The following LSAMP variants were observed in gnomAD, a reference collection of about 807,000 sequenced individuals.
LSAMP encodes limbic system-associated membrane protein.
Under a neutral mutation model 38.6 loss-of-function variants are expected in LSAMP, and 7 were observed. That is an observed-to-expected ratio of 0.18 (90% confidence interval 0.10 to 0.34). The LOEUF (loss-of-function observed/expected upper bound fraction) is 0.34. Ranked by LOEUF, LSAMP falls within the 10% of genes least tolerant of loss-of-function variation. The probability of loss-of-function intolerance (pLI) is 1.00; values close to 1 mark genes in which losing one functional copy is unlikely to be tolerated. For synonymous variants in LSAMP, 154 were observed against 166.8 expected (o/e 0.92, Z 0.59); for missense variants, 313 against 420.0 (o/e 0.75, Z 2.23).
chr3:116,435,411 C>A (rs1269001288), intron 1 of LSAMP, among the ~76,000 whole-genome samples: 2 of 152,156 alleles, frequency 1.3e-5, no homozygotes, highest in Non-Finnish European at 2.9e-5. Flanking sequence ...CCCCTGCCTG[C>A]CTCCCTATGG....
intron 1 of LSAMP, among the ~76,000 whole-genome samples, chr3:116,366,301 G>A (rs2048352685): frequency 6.6e-6 from 1 of 152,130 alleles, no homozygotes; most frequent in African/African-American, 2.4e-5. Flanking sequence ...AGCAAGGAGA[G>A]ACTGGATTGC....
chr3:115,808,387 A>G lies in LSAMP; in HGVS notation c.*1930T>C, dbSNP rs1423093753. 1 of 152,008 alleles carries G rather than the reference A, an allele frequency of 6.6e-6. No individual in the cohort carries two copies. The highest frequency in any genetic ancestry group is 1.5e-5 in the Non-Finnish European group (1 of 68,008). The allele number at this position is 152,008 out of a possible 1,614,324, so 9.4% of individuals were successfully genotyped here. Reference sequence around the variant, plus strand: ...CAGTGCTTACTACTGTGTAAGTGAGAGCAAGGGTTGGTTTTCTGACAAAGA... The same window carrying G: ...CAGTGCTTACTACTGTGTAAGTGAGGGCAAGGGTTGGTTTTCTGACAAAGA... On this transcript the variant is annotated 3_prime_UTR_variant, in exon 7 of 7. Coordinates refer to ENST00000490035, the MANE Select transcript of LSAMP (RefSeq NM_002338.5).
At chr3:115,971,117 C>T (rs997411934) in intron 3 of LSAMP, among the ~76,000 whole-genome samples, 10 of 152,014 alleles carry the variant, frequency 6.6e-5, no homozygotes, top group South Asian at 2.1e-4. Flanking sequence ...GGATAGGCAG[C>T]GCATATAGGG....
At chr3:116,214,193 C>T (rs1256558768) in intron 1 of LSAMP, among the ~76,000 whole-genome samples, 3 of 152,244 alleles carry the variant, frequency 2.0e-5, no homozygotes, top group Middle Eastern at 3.4e-3. Flanking sequence ...CACAGCTAAA[C>T]TTTTAATGGA....
At chr3:115,946,612 A>G (rs1480546082) in intron 3 of LSAMP, among the ~76,000 whole-genome samples, 1 of 152,218 alleles carries the variant, frequency 6.6e-6, no homozygotes, top group Non-Finnish European at 1.5e-5. Context: ...TAAATAGCCC[A>G]GTATCTATTT....
intron 1 of LSAMP, among the ~76,000 whole-genome samples, chr3:116,164,296 A>C (rs1269816030): frequency 6.6e-6 from 1 of 151,942 alleles, no homozygotes; most frequent in East Asian, 1.9e-4. Flanking sequence ...ATCTGCTTAA[A>C]ACTTTTTGAA....
At chr3:115,902,754 T>C (rs528434282) in intron 3 of LSAMP, among the ~76,000 whole-genome samples, 38 of 152,108 alleles carry the variant, frequency 2.5e-4, no homozygotes, top group African/African-American at 8.4e-4. Context: ...CTCAACATCA[T>C]TGGTCATCAG....
intron 1 of LSAMP, among the ~76,000 whole-genome samples, chr3:116,436,084 C>T (rs2049346424): frequency 6.6e-6 from 1 of 152,110 alleles, no homozygotes; most frequent in African/African-American, 2.4e-5. Flanking sequence ...TGATCGTTGA[C>T]AAAGCAAACA....
rs141200656 is a variant in LSAMP at position 116,294,397 on chromosome 3, A to G, written c.155+150480T>C. ...GTTTACTAAAGGATTTGAATGTTCT[A>G]GGATTCAGAAATAAGAACAATAATC... On this transcript the variant is annotated intron_variant, in intron 1 of 6. Coordinates refer to ENST00000490035, the MANE Select transcript of LSAMP (RefSeq NM_002338.5). Among the ~76,000 whole-genome samples the G allele has an allele frequency of 2.6e-5, 4 of 152,348 alleles. No individual in the cohort carries two copies. The East Asian group carries it at 7.7e-4, about 29-fold the overall frequency.
At chr3:116,197,163 A>ACACACACACACTCT (rs1268040540) in intron 1 of LSAMP, among the ~76,000 whole-genome samples, 12 of 139,086 alleles carry the variant, frequency 8.6e-5, no homozygotes, top group African/African-American at 3.1e-4. Context: ...ACACACACAC[A>ACACACACACACTCT]CTCTCTCTCT....
chr3:116,358,599 G>C (rs2048257700), intron 1 of LSAMP, among the ~76,000 whole-genome samples: 1 of 152,080 alleles, frequency 6.6e-6, no homozygotes, highest in Non-Finnish European at 1.5e-5. Flanking sequence ...CTCATTACTA[G>C]AGTTTAATAA....
intron 1 of LSAMP, among the ~76,000 whole-genome samples, chr3:116,197,502 A>C (rs1015269950): frequency 3.9e-5 from 6 of 152,178 alleles, no homozygotes; most frequent in Admixed American, 6.5e-5. Flanking sequence ...GACTCAGCAT[A>C]TTAAGTTAAA....
intron 1 of LSAMP, among the ~76,000 whole-genome samples, chr3:116,199,171 T>C (rs1559779487): frequency 6.6e-6 from 1 of 152,086 alleles, no homozygotes; most frequent in Non-Finnish European, 1.5e-5. Flanking sequence ...GTGATTTTTT[T>C]TTTTTTAGGA....
At chr3:116,298,340 G>A (rs1337527204) in intron 1 of LSAMP, among the ~76,000 whole-genome samples, 1 of 152,072 alleles carries the variant, frequency 6.6e-6, no homozygotes, top group Non-Finnish European at 1.5e-5. Flanking sequence ...GTTTTAGCAA[G>A]TAAATCATGG....
At chr3:116,174,435 A>G (rs1401382075) in intron 1 of LSAMP, among the ~76,000 whole-genome samples, 1 of 144,250 alleles carries the variant, frequency 6.9e-6, no homozygotes, top group Non-Finnish European at 1.5e-5. Context: ...CGAAACAGAT[A>G]TTATAAAAAT....
chr3:116,034,373 A>C (rs1940999458), intron 2 of LSAMP, among the ~76,000 whole-genome samples: 1 of 152,096 alleles, frequency 6.6e-6, no homozygotes, highest in African/African-American at 2.4e-5. Context: ...TCCATGAGGA[A>C]AGGGCGAGCT....
chr3:115,823,460 C>T (rs1164928299), intron 6 of LSAMP, among the ~76,000 whole-genome samples: 3 of 152,218 alleles, frequency 2.0e-5, no homozygotes, highest in Non-Finnish European at 2.9e-5. Context: ...GCAGCTCAAA[C>T]ATTCAGACAA....
At chr3:116,115,971 C>G (rs1250526560) in intron 1 of LSAMP, among the ~76,000 whole-genome samples, 1 of 151,832 alleles carries the variant, frequency 6.6e-6, no homozygotes, top group East Asian at 1.9e-4. Flanking sequence ...AACTTATATT[C>G]AGTTCAGGAA....
chr3:116,013,899 C>T (rs1053103739), intron 3 of LSAMP, among the ~76,000 whole-genome samples: 3 of 152,144 alleles, frequency 2.0e-5, no homozygotes, highest in Non-Finnish European at 4.4e-5. Flanking sequence ...GATACTCTTT[C>T]TTCCCCTATT....
Sources: allele counts gnomAD v4.1 joint callset (sites outside exome capture counted in the v4.1 genomes callset), GRCh38; gene constraint gnomAD v4.1.1; transcripts MANE v1.5; gene names NCBI Gene and HGNC (gene_info 2026-07-23, HGNC 2026-07-21).